The following MMRN1 variants were observed in gnomAD, a reference collection of about 807,000 sequenced individuals.
MMRN1 encodes the protein multimerin 1, also known as multimerin-1.
MMRN1 carries 94 observed loss-of-function variants against 100.7 expected under a neutral mutation model. The observed-to-expected ratio is 0.93, with a 90% CI of 0.79 to 1.11. The LOEUF is 1.11. Among genes scored for constraint, MMRN1 ranks in the 50% least tolerant of loss-of-function variants. The pLI is 0.00. For synonymous variants in MMRN1, 575 were observed against 505.0 expected (o/e 1.14, Z -1.86); for missense variants, 1,606 against 1,439.1 (o/e 1.12, Z -1.88).
intron 6 of MMRN1, among the ~76,000 whole-genome samples, chr4:89,941,875 T>G (rs531071671): frequency 6.6e-6 from 1 of 152,130 alleles, no homozygotes; most frequent in Non-Finnish European, 1.5e-5. Flanking sequence ...TTGAAGGAAA[T>G]AGTAAATGAA....
chr4:89,943,366 T>C (rs1385201837), intron 6 of MMRN1, among the ~76,000 whole-genome samples: 1 of 152,182 alleles, frequency 6.6e-6, no homozygotes, highest in Non-Finnish European at 1.5e-5. Context: ...TTTACTTGAA[T>C]AGGAAATTTG....
intron 1 of MMRN1, among the ~76,000 whole-genome samples, chr4:89,904,043 G>GA (rs561204974): frequency 2.0e-5 from 3 of 151,586 alleles, no homozygotes; most frequent in Non-Finnish European, 2.9e-5. Flanking sequence ...TCTACGAGGT[G>GA]AAAAAAGCAT....
chr4:89,925,170 G>T (rs1722208540), intron 4 of MMRN1, among the ~76,000 whole-genome samples: 1 of 150,990 alleles, frequency 6.6e-6, no homozygotes, highest in Admixed American at 6.6e-5. Context: ...TAGAGACAGG[G>T]TCTGCACCCA....
At chr4:89,896,962 GA>G (rs1241232675) in intron 1 of MMRN1, among the ~76,000 whole-genome samples, 2 of 152,108 alleles carry the variant, frequency 1.3e-5, no homozygotes, top group Admixed American at 1.3e-4. Context: ...GGGACAAGTA[GA>G]TTTGCCATTA....
intron 1 of MMRN1, among the ~76,000 whole-genome samples, chr4:89,887,254 C>T (rs910896629): frequency 1.3e-5 from 2 of 151,948 alleles, no homozygotes; most frequent in Non-Finnish European, 2.9e-5. Flanking sequence ...TTAATGCAAT[C>T]CCTATCAAAA....
At chr4:89,925,608 G>T (rs953804640) in intron 4 of MMRN1, among the ~76,000 whole-genome samples, 2 of 151,792 alleles carry the variant, frequency 1.3e-5, no homozygotes, top group Non-Finnish European at 2.9e-5. Flanking sequence ...AAGGCGGGTG[G>T]ATCACGAGGT....
At chr4:89,903,039 T>G (rs1255043453) in intron 1 of MMRN1, among the ~76,000 whole-genome samples, 1 of 151,970 alleles carries the variant, frequency 6.6e-6, no homozygotes, top group African/African-American at 2.4e-5. Context: ...TTTTGGACTT[T>G]TAGCCAAAGC....
intron 1 of MMRN1, among the ~76,000 whole-genome samples, chr4:89,904,573 A>T (rs905803553): frequency 6.6e-6 from 1 of 151,700 alleles, no homozygotes; most frequent in Non-Finnish European, 1.5e-5. Context: ...TTCACTTAGC[A>T]TAGTATTTTC....
chr4:89,903,667 T>C lies in MMRN1; in HGVS notation c.624-5609T>C, dbSNP rs113875968. 5.9e-3 allele frequency among the ~76,000 whole-genome samples: 899 copies of C among 151,906 alleles called. 7 individuals carry two copies. The highest frequency in any genetic ancestry group is 0.021 in the African/African-American group (858 of 41,488). ...CTTAAAACATTTAGTCTCACGACAA[T>C]CGTGTGAGGTAGATAATATTATTGT... On this transcript the variant is annotated intron_variant, in intron 1 of 7. Transcript: ENST00000264790.
At chr4:89,926,577 G>C (rs116697600) in intron 4 of MMRN1, among the ~76,000 whole-genome samples, 1,917 of 152,144 alleles carry the variant, frequency 0.013, 22 homozygotes, top group Middle Eastern at 0.061. Flanking sequence ...CATTCTGTGG[G>C]TTGTGTCTTG....
At chr4:89,946,313 C>G (rs1172751726) in intron 6 of MMRN1, among the ~76,000 whole-genome samples, 1 of 152,096 alleles carries the variant, frequency 6.6e-6, no homozygotes, top group Non-Finnish European at 1.5e-5. Flanking sequence ...CGATAAGTTC[C>G]CTCGCTAATC....
At chr4:89,939,271 A>G (rs1307210461) in intron 6 of MMRN1, among the ~76,000 whole-genome samples, 2 of 152,250 alleles carry the variant, frequency 1.3e-5, no homozygotes, top group Middle Eastern at 3.4e-3. Flanking sequence ...AAGATAATTT[A>G]TCATCATCTT....
chr4:89,912,085 A>T (rs771126300), intron 3 of MMRN1, 35 bp downstream of exon 3: 4 of 1,376,264 alleles, frequency 2.9e-6, no homozygotes, highest in South Asian at 1.3e-5. Flanking sequence ...AATTCTGAAC[A>T]ATAAGAAACT....
chr4:89,933,152 C>A (rs191747629), intron 5 of MMRN1, among the ~76,000 whole-genome samples: 1 of 152,132 alleles, frequency 6.6e-6, no homozygotes, highest in Admixed American at 6.6e-5. Flanking sequence ...GTTCAAAGTT[C>A]CACAGATCTC....
At chr4:89,924,509 G>A (rs1051774525) in intron 4 of MMRN1, among the ~76,000 whole-genome samples, 5 of 151,406 alleles carry the variant, frequency 3.3e-5, no homozygotes, top group African/African-American at 1.2e-4. Context: ...TGAAATTTAA[G>A]TGATTTTTAA....
intron 1 of MMRN1, chr4:89,901,909 T>C (rs1400487424): frequency 6.6e-6 from 1 of 151,962 alleles, no homozygotes; most frequent in Non-Finnish European, 1.5e-5. Context: ...AATTTTAAAT[T>C]TATTATTTGG....
intron 5 of MMRN1, among the ~76,000 whole-genome samples, chr4:89,933,053 G>GAATGC (rs1166513973): frequency 1.1e-4 from 17 of 152,070 alleles, no homozygotes; most frequent in Non-Finnish European, 2.2e-4. Flanking sequence ...TAATAAAACT[G>GAATGC]AATGCTTTTA....
Position 89,934,809 on chromosome 4 carries a change from G to A in MMRN1, c.1130-1G>A, listed in dbSNP as rs1380309513. On this transcript the variant is annotated splice_acceptor_variant, in intron 5 of 7. Transcript: ENST00000264790. LOFTEE classifies it high-confidence loss of function. Reference sequence around the variant, plus strand: ...GTATTATTAATTATTTCTTTCTCTAGGTCTAAAATCCAAAAGCATTAATGT... The same window carrying A: ...GTATTATTAATTATTTCTTTCTCTAAGTCTAAAATCCAAAAGCATTAATGT... The A allele has an allele frequency of 2.8e-6, 4 of 1,422,874 alleles. No individual in the cohort carries two copies. Among genetic ancestry groups the A allele is most frequent in the African/African-American group, 1.4e-5 (1 of 69,468 alleles). The allele number at this position is 1,422,874 out of a possible 1,614,324, so 88.1% of individuals were successfully genotyped here.
chr4:89,919,797 T>G (rs974148108), intron 3 of MMRN1, among the ~76,000 whole-genome samples: 1 of 152,148 alleles, frequency 6.6e-6, no homozygotes, highest in African/African-American at 2.4e-5. Flanking sequence ...TTTTTCAGTG[T>G]CTTTGATAAT....
Sources: gnomAD v4.1 joint callset for allele counts (sites outside exome capture counted in the v4.1 genomes callset) on GRCh38, gnomAD v4.1.1 for gene constraint, MANE v1.5 for transcripts, NCBI Gene and HGNC (gene_info 2026-07-23, HGNC 2026-07-21) for gene names.